The following RSRC1 variants were observed in gnomAD, a reference collection of about 807,000 sequenced individuals.
RSRC1 encodes arginine and serine rich coiled-coil 1, also known as serine/Arginine-related protein 53.
In RSRC1, 39 loss-of-function variants were observed where a neutral mutation model predicts 49.1. The ratio of observed to expected loss-of-function variants is 0.79; its 90% CI spans 0.61 to 1.04. RSRC1 has a LOEUF of 1.04. Among genes scored for constraint, RSRC1 ranks in the 50% least tolerant of loss-of-function variants. The pLI is 0.00. For missense variants in RSRC1, 388 were observed against 402.4 expected, an observed-to-expected ratio of 0.96 and a Z score of 0.31; for synonymous variants, 143 against 130.8, an observed-to-expected ratio of 1.09 and a Z score of -0.63.
At chr3:158,421,048 A>G (rs1735017144) in intron 6 of RSRC1, among the ~76,000 whole-genome samples, 1 of 151,940 alleles carries the variant, frequency 6.6e-6, no homozygotes, top group African/African-American at 2.4e-5. Flanking sequence ...TCAACAATTT[A>G]AGTCCATTTT....
chr3:158,401,477 T>G (rs900596442), intron 6 of RSRC1, among the ~76,000 whole-genome samples: 1 of 152,052 alleles, frequency 6.6e-6, no homozygotes, highest in African/African-American at 2.4e-5. Flanking sequence ...AAAAACAGAT[T>G]GCATGAGAAC....
intron 7 of RSRC1, among the ~76,000 whole-genome samples, chr3:158,506,101 G>T (rs1329963602): frequency 6.6e-6 from 1 of 152,144 alleles, no homozygotes; most frequent in African/African-American, 2.4e-5. Flanking sequence ...AGACAAATGG[G>T]ATTGCATCAA....
At chr3:158,144,180 A>C (rs188843719) in intron 3 of RSRC1, among the ~76,000 whole-genome samples, 1,533 of 152,306 alleles carry the variant, frequency 0.01, 14 homozygotes, top group Non-Finnish European at 0.016. Flanking sequence ...ACATGTGCAC[A>C]ACGTGCAGGT....
intron 7 of RSRC1, among the ~76,000 whole-genome samples, chr3:158,467,503 T>C (rs1737944028): frequency 6.6e-6 from 1 of 152,210 alleles, no homozygotes. Context: ...TTATAAAATA[T>C]TAGTTACTGC....
intron 6 of RSRC1, among the ~76,000 whole-genome samples, chr3:158,382,326 G>T (rs1732747110): frequency 6.6e-6 from 1 of 151,960 alleles, no homozygotes; most frequent in African/African-American, 2.4e-5. Flanking sequence ...ATAAGTAGAA[G>T]GAATACACTC....
intron 4 of RSRC1, among the ~76,000 whole-genome samples, chr3:158,205,657 G>C (rs1721305966): frequency 6.6e-6 from 1 of 152,128 alleles, no homozygotes. Context: ...TGCTTTGGCT[G>C]TAACGAAACC....
chr3:158,499,053 G>T (rs1238054088), intron 7 of RSRC1, among the ~76,000 whole-genome samples: 6 of 152,098 alleles, frequency 3.9e-5, no homozygotes, highest in Admixed American at 3.3e-4. Context: ...GGCTATGCAG[G>T]CTCATTTTTG....
At chr3:158,286,125 A>C (rs1221314890) in intron 4 of RSRC1, among the ~76,000 whole-genome samples, 1 of 152,216 alleles carries the variant, frequency 6.6e-6, no homozygotes, top group African/African-American at 2.4e-5. Flanking sequence ...AGGTTCAGCT[A>C]GTGTTTATTT....
intron 3 of RSRC1, among the ~76,000 whole-genome samples, chr3:158,200,710 G>A (rs1363837355): frequency 6.6e-6 from 1 of 151,838 alleles, no homozygotes; most frequent in Non-Finnish European, 1.5e-5. Flanking sequence ...ACATTTCAGT[G>A]TACTTAAAGT....
intron 3 of RSRC1, among the ~76,000 whole-genome samples, chr3:158,183,574 T>C (rs183308128): frequency 6.6e-6 from 1 of 152,228 alleles, no homozygotes; most frequent in East Asian, 1.9e-4. Flanking sequence ...AAAGGAGTTA[T>C]AAAAATAAAA....
intron 7 of RSRC1, among the ~76,000 whole-genome samples, chr3:158,478,935 C>G (rs1329066945): frequency 1.5e-5 from 1 of 65,184 alleles, no homozygotes; most frequent in Admixed American, 1.7e-4. Flanking sequence ...ACTAAAGATA[C>G]AAGGAGAAAA....
chr3:158,337,024 A>T (rs1729940497), intron 5 of RSRC1, among the ~76,000 whole-genome samples: 1 of 152,194 alleles, frequency 6.6e-6, no homozygotes, highest in Non-Finnish European at 1.5e-5. Flanking sequence ...GTTAACTGGC[A>T]TGGATAGGAC....
At chr3:158,112,832 T>G (rs1055067912) in intron 1 of RSRC1, among the ~76,000 whole-genome samples, 1 of 151,302 alleles carries the variant, frequency 6.6e-6, no homozygotes, top group African/African-American at 2.5e-5. Flanking sequence ...TTGTGTGTTG[T>G]TCCCCTCCCA....
intron 5 of RSRC1, among the ~76,000 whole-genome samples, chr3:158,315,904 G>C (rs1332911976): frequency 1.3e-5 from 2 of 152,164 alleles, no homozygotes; most frequent in Non-Finnish European, 2.9e-5. Context: ...AGGCATGGTG[G>C]CTCACGCCTG....
Position 158,110,177 on chromosome 3 carries a change from G to A in RSRC1, c.-49G>A, listed in dbSNP as rs1371507376. 1 of 152,314 alleles carries A rather than the reference G, an allele frequency of 6.6e-6. No individual in the cohort carries two copies. Among genetic ancestry groups the A allele is most frequent in the African/African-American group, 2.4e-5 (1 of 41,484 alleles). 9.4% of individuals were successfully genotyped at this position (152,314 alleles called of 1,614,324 possible). A position where few individuals can be genotyped will look rare whatever the true frequency, so the allele number is the denominator to read the frequency against. ...CTAAAGAAACGACTCAGGGACTGCG[G>A]CGCTTGCACGTCAACGGGAGGTGTG... On this transcript the variant is annotated 5_prime_UTR_variant, in exon 1 of 10. Transcript: ENST00000611884.
chr3:158,412,181 G>A (rs887451690), intron 6 of RSRC1, among the ~76,000 whole-genome samples: 1 of 152,082 alleles, frequency 6.6e-6, no homozygotes, highest in Admixed American at 6.6e-5. Flanking sequence ...GTGCTTAAGA[G>A]TACTAGCTCA....
At chr3:158,505,771 A>G (rs971628103) in intron 7 of RSRC1, among the ~76,000 whole-genome samples, 1 of 131,676 alleles carries the variant, frequency 7.6e-6, no homozygotes. Flanking sequence ...AATTAGATAG[A>G]TGAAAGGGAG....
chr3:158,265,223 T>G (rs571853433), intron 4 of RSRC1, among the ~76,000 whole-genome samples: 11 of 152,360 alleles, frequency 7.2e-5, no homozygotes, highest in Non-Finnish European at 1.3e-4. Flanking sequence ...TTGCACAACA[T>G]TAAAAAATAC....
At chr3:158,293,267 T>C (rs1233587006) in intron 4 of RSRC1, among the ~76,000 whole-genome samples, 1 of 152,058 alleles carries the variant, frequency 6.6e-6, no homozygotes, top group African/African-American at 2.4e-5. Context: ...ATTACCTTCT[T>C]TTCATAATAT....
Sources: gnomAD v4.1 joint callset for allele counts (sites outside exome capture counted in the v4.1 genomes callset) on GRCh38, gnomAD v4.1.1 for gene constraint, MANE v1.5 for transcripts, NCBI Gene and HGNC (gene_info 2026-07-23, HGNC 2026-07-21) for gene names.